ZSCAN5A: variants seen among roughly 807,000 people sequenced by gnomAD.
ZSCAN5A encodes the protein zinc finger and SCAN domain-containing protein 5A.
Under a neutral mutation model 23.7 loss-of-function variants are expected in ZSCAN5A, and 12 were observed. The ratio of observed to expected loss-of-function variants is 0.51; its 90% confidence interval spans 0.32 to 0.82. ZSCAN5A has a LOEUF of 0.82. Ranked by LOEUF, ZSCAN5A falls within the 40% of genes least tolerant of loss-of-function variation. The pLI is 0.03. For missense variants in ZSCAN5A, 597 were observed against 617.9 expected, an observed-to-expected ratio of 0.97 and a Z score of 0.36; for synonymous variants, 257 against 239.9, an observed-to-expected ratio of 1.07 and a Z score of -0.66.
chr19:56,249,616 C>T lies in ZSCAN5A; in HGVS notation c.-127-24443G>A, dbSNP rs537282470. Among the ~76,000 whole-genome samples the T allele has an allele frequency of 2.2e-4, 34 of 152,312 alleles. No homozygotes were observed. The South Asian group carries it at 7.0e-3, about 32-fold the overall frequency. On this transcript the variant is annotated intron_variant, in intron 2 of 5. Transcript: ENST00000683990. ...ATATCTTTCAAAAGTCTATAGAGCTCGCCAATGCTCTGCACCATTTCCCCC... is the reference window on the plus strand; with the variant it reads ...ATATCTTTCAAAAGTCTATAGAGCTTGCCAATGCTCTGCACCATTTCCCCC...
rs564809214 is a variant in ZSCAN5A, at chr19:56,243,776, C to T, written c.-127-18603G>A. ...AGAACATATAGTCAGGTGTAGACAG[C>T]GGAAGAGTAACAGGGTGGGTTGATT... On this transcript the variant is annotated intron_variant, in intron 2 of 5. Transcript: ENST00000683990. 3.2e-4 allele frequency among the ~76,000 whole-genome samples: 48 copies of T among 151,974 alleles called. No individual in the cohort carries two copies. The East Asian group carries it at 5.6e-3, about 18-fold the overall frequency.
At chr19:56,299,317 G>C (rs2040080781) in intron 2 of ZSCAN5A, among the ~76,000 whole-genome samples, 1 of 151,846 alleles carries the variant, frequency 6.6e-6, no homozygotes, top group African/African-American at 2.4e-5. Context: ...ATTTTTTGTA[G>C]AGTTTGGGTC....
chr19:56,303,787 T>TGGCCACGGGCAGCC (rs1194830244), intron 2 of ZSCAN5A, among the ~76,000 whole-genome samples: 23 of 149,422 alleles, frequency 1.5e-4, no homozygotes, highest in African/African-American at 5.8e-4. Flanking sequence ...TGAGCAGCCA[T>TGGCCACGGGCAGCC]GGCCACGGGC....
At chr19:56,229,749 CTTTT>C (rs1303911173) in intron 2 of ZSCAN5A, among the ~76,000 whole-genome samples, 1 of 151,826 alleles carries the variant, frequency 6.6e-6, no homozygotes, top group Non-Finnish European at 1.5e-5. Flanking sequence ...TTTTGGTGGT[CTTTT>C]TTGTTTTTTT....
intron 1 of ZSCAN5A, chr19:56,365,859 A>G (rs2041760603): frequency 6.6e-6 from 1 of 152,250 alleles, no homozygotes; most frequent in Non-Finnish European, 1.5e-5. Context: ...AGACCTTGCC[A>G]TAGAGCTATC....
At chr19:56,234,302 A>G (rs1460712070) in intron 2 of ZSCAN5A, among the ~76,000 whole-genome samples, 1 of 152,246 alleles carries the variant, frequency 6.6e-6, no homozygotes, top group Non-Finnish European at 1.5e-5. Flanking sequence ...GGTTCAGGTC[A>G]TAAAAAGAAA....
chr19:56,269,482 C>A (rs890369128), intron 2 of ZSCAN5A, among the ~76,000 whole-genome samples: 11 of 152,222 alleles, frequency 7.2e-5, no homozygotes, highest in African/African-American at 2.6e-4. Flanking sequence ...GTGTTACTCT[C>A]AGATGTGATA....
In ZSCAN5A at chr19:56,313,290, C is replaced by T. The variant is rs1237745021; in HGVS notation, c.-135G>A. The T allele has an allele frequency of 5.5e-5, 19 of 344,708 alleles. 1 individual carries two copies. Among genetic ancestry groups the T allele is most frequent in the Admixed American group, 4.0e-4 (12 of 30,312 alleles). The allele number at this position is 344,708 out of a possible 1,614,324, so 21.4% of individuals were successfully genotyped here. On this transcript the variant is annotated 5_prime_UTR_variant, in exon 2 of 6. In the 5' UTR this introduces an upstream ATG that the reference lacks. Coordinates refer to ENST00000683990, the MANE Select transcript of ZSCAN5A (RefSeq NM_001322064.3). ...AAGGTTTAATGGACTTACAGTTTCA[C>T]GTGGCTGGGGAGGCCTCACAATCAT...
At chr19:56,361,754 C>T (rs1310511115) in intron 2 of ZSCAN5A, among the ~76,000 whole-genome samples, 1 of 152,044 alleles carries the variant, frequency 6.6e-6, no homozygotes, top group Non-Finnish European at 1.5e-5. Flanking sequence ...CTAATGCATG[C>T]CAGGTTTAAT....
intron 2 of ZSCAN5A, among the ~76,000 whole-genome samples, chr19:56,302,595 TCCCTC>T (rs2040391537): frequency 7.7e-4 from 29 of 37,482 alleles, no homozygotes; most frequent in African/African-American, 4.2e-3. Flanking sequence ...TTTCTTCCTC[TCCCTC>T]TTCTTCCTCT....
chr19:56,235,120 A>AGCCTCTG (rs1473410507), intron 2 of ZSCAN5A, among the ~76,000 whole-genome samples: 1 of 110,010 alleles, frequency 9.1e-6, no homozygotes, highest in African/African-American at 3.2e-5. Context: ...CCTCCACTCC[A>AGCCTCTG]ACCTCTGATG....
At chr19:56,364,330 A>G (rs962243488) in intron 1 of ZSCAN5A, among the ~76,000 whole-genome samples, 16 of 152,374 alleles carry the variant, frequency 1.1e-4, no homozygotes, top group Middle Eastern at 3.4e-3. Flanking sequence ...TGAGAACTAA[A>G]TAGGTTTTCA....
chr19:56,266,466 T>C (rs1427267145), intron 2 of ZSCAN5A: 1 of 151,812 alleles, frequency 6.6e-6, no homozygotes. Flanking sequence ...GGCTTAGGCT[T>C]TGCTTTCTGC....
At chr19:56,309,704 G>A (rs1396390788) in intron 2 of ZSCAN5A, among the ~76,000 whole-genome samples, 1 of 152,186 alleles carries the variant, frequency 6.6e-6, no homozygotes, top group African/African-American at 2.4e-5. Context: ...GCCCAGCCAG[G>A]CCTGGGCAGT....
chr19:56,302,581 C>CCCTCTT (rs1555807488), intron 2 of ZSCAN5A, among the ~76,000 whole-genome samples: 764 of 39,956 alleles, frequency 0.019, 25 homozygotes, highest in African/African-American at 0.12. Flanking sequence ...TTCTTCCTCC[C>CCCTCTT]CCTTTTCTTC....
chr19:56,222,980 C>T (rs949771022), intron 4 of ZSCAN5A, among the ~76,000 whole-genome samples: 89 of 152,178 alleles, frequency 5.8e-4, no homozygotes, highest in Non-Finnish European at 6.5e-4. Context: ...GTGGTTTTCA[C>T]TGTTTGGTTC....
chr19:56,308,119 C>T (rs944576406), intron 2 of ZSCAN5A, among the ~76,000 whole-genome samples: 4 of 152,262 alleles, frequency 2.6e-5, no homozygotes, highest in African/African-American at 4.8e-5. Context: ...CTGCAACCTC[C>T]GCCTCCCGGG....
intron 2 of ZSCAN5A, among the ~76,000 whole-genome samples, chr19:56,270,526 G>A (rs567394890): frequency 6.6e-5 from 10 of 152,210 alleles, no homozygotes; most frequent in South Asian, 4.1e-4. Context: ...TATTACATAC[G>A]TGTACTGGAG....
At chr19:56,232,400 G>A (rs1237562620) in intron 2 of ZSCAN5A, among the ~76,000 whole-genome samples, 2 of 151,998 alleles carry the variant, frequency 1.3e-5, no homozygotes, top group African/African-American at 4.8e-5. Context: ...TGTTATCAAT[G>A]ATTTCTTTTT....
Sources: gnomAD v4.1 joint callset for allele counts (sites outside exome capture counted in the v4.1 genomes callset) on GRCh38, gnomAD v4.1.1 for gene constraint, MANE v1.5 for transcripts, NCBI Gene and HGNC (gene_info 2026-07-23, HGNC 2026-07-21) for gene names.